Variants in HEATR3 observed in about 807,000 individuals in gnomAD.
HEATR3 encodes HEAT repeat containing 3, also known as HEAT repeat-containing protein 3.
A neutral mutation model predicts 72.8 loss-of-function variants in HEATR3; 56 were observed. The observed-to-expected ratio is 0.77, with a 90% CI of 0.62 to 0.96. HEATR3 has a LOEUF of 0.96. Among genes scored for constraint, HEATR3 ranks in the 40% least tolerant of loss-of-function variants. The pLI is 0.00. For missense variants in HEATR3, 747 were observed against 831.4 expected (o/e 0.90, Z 1.25); for synonymous variants, 331 against 318.1 (o/e 1.04, Z -0.43).
intron 13 of HEATR3, among the ~76,000 whole-genome samples, chr16:50,101,587 G>C (rs1199136399): frequency 6.6e-6 from 1 of 152,140 alleles, no homozygotes; most frequent in Admixed American, 6.6e-5. Flanking sequence ...CCGGCACCAC[G>C]TGGTTATTCT....
At position 50,106,080 on chromosome 16, in the gene HEATR3, G is replaced by C. The variant is rs964464122; in HGVS notation, c.*1019G>C. ...ATTTTGCAAAGAAAGAAAATCCAAA[G>C]CATTGCTTGGATGTTCTTTTAAGGC... is the stretch of plus-strand genomic sequence containing the variant. On this transcript the variant is annotated 3_prime_UTR_variant, in exon 15 of 15. Transcript: ENST00000299192. The C allele has an allele frequency of 2.6e-5, 4 of 152,184 alleles. No homozygotes were observed. The highest frequency in any genetic ancestry group is 1.3e-4 in the Admixed American group (2 of 15,272). 9.4% of individuals were successfully genotyped at this position (152,184 alleles called of 1,614,324 possible). A position where few individuals can be genotyped will look rare whatever the true frequency, so the allele number is the denominator to read the frequency against.
At chr16:50,084,078 C>G in intron 8 of HEATR3, 51 bp downstream of exon 8, 2 of 1,613,326 alleles carry the variant, frequency 1.2e-6, no homozygotes, top group Non-Finnish European at 1.7e-6. Flanking sequence ...AAGAGGGAAA[C>G]TCCCGTGGAG....
intron 12 of HEATR3, among the ~76,000 whole-genome samples, 191 bp downstream of exon 12, chr16:50,094,984 C>T (rs1201428025): frequency 2.6e-5 from 4 of 152,158 alleles, no homozygotes; most frequent in African/African-American, 9.7e-5. Flanking sequence ...CAGCAACACA[C>T]AGGTGCTTTT....
At chr16:50,082,565 T>A (rs1432124654) in intron 7 of HEATR3, among the ~76,000 whole-genome samples, 1 of 151,762 alleles carries the variant, frequency 6.6e-6, no homozygotes, top group Non-Finnish European at 1.5e-5. Context: ...TCTATTGAAT[T>A]AGCAATTTGC....
In HEATR3 at chr16:50,066,107, G is replaced by C; in HGVS notation, c.-25G>C. 6.4e-7 allele frequency: 1 copy of C among 1,573,044 alleles called. No homozygotes were observed. Among genetic ancestry groups the C allele is most frequent in the Non-Finnish European group, 8.6e-7 (1 of 1,162,478 alleles). On this transcript the variant is annotated 5_prime_UTR_variant, in exon 1 of 15. Coordinates refer to ENST00000299192, the MANE Select transcript of HEATR3 (RefSeq NM_182922.4). ...CTGCTGTTGCCCTCCTCTCTCGGTGGTCTGTCCGCCCAGCGCACGTCACCA... is the reference window on the plus strand; with the variant it reads ...CTGCTGTTGCCCTCCTCTCTCGGTGCTCTGTCCGCCCAGCGCACGTCACCA...
intron 12 of HEATR3, among the ~76,000 whole-genome samples, chr16:50,096,486 T>C (rs1183965750): frequency 6.6e-6 from 1 of 152,006 alleles, no homozygotes; most frequent in Non-Finnish European, 1.5e-5. Flanking sequence ...TCACATACCA[T>C]GCAGTTTATC....
At chr16:50,099,016 A>G (rs759571430) in intron 12 of HEATR3, among the ~76,000 whole-genome samples, 1 of 151,674 alleles carries the variant, frequency 6.6e-6, no homozygotes, top group Non-Finnish European at 1.5e-5. Flanking sequence ...TAGTTTTTTA[A>G]TAGAGATGAG....
intron 11 of HEATR3, among the ~76,000 whole-genome samples, chr16:50,090,699 G>A (rs1168520055): frequency 6.6e-6 from 1 of 152,130 alleles, no homozygotes. Context: ...GGGTCAGTCT[G>A]TCATTCGGCT....
chr16:50,103,768 G>C (rs1397801472), intron 14 of HEATR3, among the ~76,000 whole-genome samples: 2 of 152,214 alleles, frequency 1.3e-5, no homozygotes, highest in Non-Finnish European at 2.9e-5. Flanking sequence ...GCTCACACCT[G>C]TAATCCCAGC....
At chr16:50,090,583 A>G (rs1411707876) in intron 11 of HEATR3, among the ~76,000 whole-genome samples, 1 of 152,198 alleles carries the variant, frequency 6.6e-6, no homozygotes, top group Non-Finnish European at 1.5e-5. Context: ...ATTTTAGTAC[A>G]ATCTGGTCCT....
At chr16:50,083,594 T>C (rs1358731509) in intron 7 of HEATR3, among the ~76,000 whole-genome samples, 1 of 152,182 alleles carries the variant, frequency 6.6e-6, no homozygotes, top group Non-Finnish European at 1.5e-5. Context: ...AATCTTAGTA[T>C]GCCCAGCTAC....
chr16:50,100,396 T>C, intron 13 of HEATR3, 23 bp downstream of exon 13: 1 of 1,608,718 alleles, frequency 6.2e-7, no homozygotes, highest in Non-Finnish European at 8.5e-7. Context: ...GCTTCTGACC[T>C]AACATGTTAA....
intron 4 of HEATR3, 150 bp from the exon 5 acceptor site, chr16:50,072,455 G>C (rs900344432): frequency 1.7e-6 from 1 of 601,116 alleles, no homozygotes. Flanking sequence ...ATGTGAATGG[G>C]TGTTAGTTCC....
intron 10 of HEATR3, 146 bp from the exon 11 acceptor site, chr16:50,086,069 C>T: frequency 1.4e-6 from 1 of 721,378 alleles, no homozygotes; most frequent in East Asian, 2.9e-5. Context: ...AAACAGTTCA[C>T]CTTGTGATTC....
rs1442826900 is a variant in HEATR3 at position 50,106,039 on chromosome 16, A to G, written c.*978A>G. 1 of 152,194 alleles carries G rather than the reference A, an allele frequency of 6.6e-6. No homozygotes were observed. Among genetic ancestry groups the G allele is most frequent in the African/African-American group, 2.4e-5 (1 of 41,454 alleles). 9.4% of individuals were successfully genotyped at this position (152,194 alleles called of 1,614,324 possible). A position where few individuals can be genotyped will look rare whatever the true frequency, so the allele number is the denominator to read the frequency against. ...GCCAGCAGTGAAGAAACTTCAACCA[A>G]TCATGTTTTCCTTGAATTTTGCAAA... is the stretch of plus-strand genomic sequence containing the variant. On this transcript the variant is annotated 3_prime_UTR_variant, in exon 15 of 15. Transcript: ENST00000299192.
At chr16:50,086,091 C>A in intron 10 of HEATR3, 124 bp from the exon 11 acceptor site, 1 of 861,808 alleles carries the variant, frequency 1.2e-6, no homozygotes, top group Non-Finnish European at 1.7e-6. Flanking sequence ...TTGCTAACTG[C>A]CATAGATACC....
At chr16:50,096,559 G>A (rs950239085) in intron 12 of HEATR3, among the ~76,000 whole-genome samples, 4 of 152,182 alleles carry the variant, frequency 2.6e-5, no homozygotes, top group African/African-American at 9.7e-5. Context: ...AGCACTTTGG[G>A]AGGCCAAGGC....
At chr16:50,079,348 A>G (rs1248742753) in intron 7 of HEATR3, among the ~76,000 whole-genome samples, 2 of 152,214 alleles carry the variant, frequency 1.3e-5, no homozygotes, top group African/African-American at 4.8e-5. Flanking sequence ...TGTCTGCCAG[A>G]CTGTCTTCAA....
chr16:50,068,375 A>G (rs1321539711), intron 2 of HEATR3, among the ~76,000 whole-genome samples: 1 of 152,022 alleles, frequency 6.6e-6, no homozygotes, highest in Non-Finnish European at 1.5e-5. Context: ...CCTGAGCTCA[A>G]TTGATCCTCC....
Sources: allele counts gnomAD v4.1 joint callset (sites outside exome capture counted in the v4.1 genomes callset), GRCh38; gene constraint gnomAD v4.1.1; transcripts MANE v1.5; gene names NCBI Gene and HGNC (gene_info 2026-07-23, HGNC 2026-07-21).